Variants in CSMD2 observed in about 807,000 individuals in gnomAD.
The protein encoded by CSMD2 is CUB and Sushi multiple domains 2.
In CSMD2, 130 loss-of-function variants were observed where a neutral mutation model predicts 398.5. That is an observed-to-expected ratio of 0.33 (90% CI 0.28 to 0.38). CSMD2 has a LOEUF of 0.38. Among genes scored for constraint, CSMD2 ranks in the 10% least tolerant of loss-of-function variants. The pLI is 1.00. For synonymous variants in CSMD2, 1,828 were observed against 1,908.5 expected (o/e 0.96, Z 1.10); for missense variants, 3,829 against 4,764.9 (o/e 0.80, Z 5.78).
intron 32 of CSMD2, among the ~76,000 whole-genome samples, chr1:33,627,685 T>C (rs1642213635): frequency 6.6e-6 from 1 of 152,230 alleles, no homozygotes; most frequent in African/African-American, 2.4e-5. Flanking sequence ...AGGCTGAGCC[T>C]GGCTAGGAGT....
chr1:33,825,656 A>C (rs1458792976), intron 7 of CSMD2, 41 bp downstream of exon 7: 3 of 1,589,474 alleles, frequency 1.9e-6, no homozygotes, highest in Non-Finnish European at 2.6e-6. Context: ...TGTGACCTCA[A>C]GCAAGAGGCC....
At chr1:33,886,351 A>G (rs16836069) in intron 5 of CSMD2, among the ~76,000 whole-genome samples, 11,317 of 152,272 alleles carry the variant, frequency 0.074, 560 homozygotes, top group Middle Eastern at 0.13. Flanking sequence ...GAGAGCACCT[A>G]AACAAAGTCG....
chr1:34,029,008 G>A (rs1265311336), intron 3 of CSMD2, among the ~76,000 whole-genome samples: 2 of 152,212 alleles, frequency 1.3e-5, no homozygotes, highest in African/African-American at 2.4e-5. Context: ...GGATGAGGGT[G>A]GAGGAGGATC....
In CSMD2 at chr1:33,648,279, A is replaced by G. The variant is rs368156831; in HGVS notation, c.4587-1444T>C. Among the ~76,000 whole-genome samples, 76 of 151,348 alleles carry G rather than the reference A, an allele frequency of 5.0e-4. No homozygotes were observed. In the East Asian group the frequency reaches 7.3e-3, roughly 15 times the overall value. On this transcript the variant is annotated intron_variant, in intron 28 of 70. Coordinates refer to ENST00000373381, the MANE Select transcript of CSMD2 (RefSeq NM_001281956.2). ...CAGGAAGCTGAGGCAGGAGAATGGC[A>G]TGAACCCGGGAGGTGGAGTTTGCAG...
In CSMD2 at chr1:34,164,961, G is replaced by T; in HGVS notation, c.137C>A (p.Pro46His). ...WGRPPPPTPP[P>H]LLLLLGCGLL... ...CCCACAGCCCAGCAACAGCAGCAGA[G>T]GCGGCGGCGTTGGCGGCGGCGGGCG... Residue 46 changes from proline to histidine, a missense_variant, in exon 1 of 71, where the codon CCT becomes CAT. Physicochemically the swap from Pro to His is moderately conservative, Grantham distance 77. This residue lies in a region of CSMD2 where 184 missense variants were observed against 217.7 expected (regional missense o/e 0.85). Transcript: ENST00000373381. The surrounding 1 kb of genome is among the most constrained non-coding windows in gnomAD (Gnocchi z 6.2). 1 of 1,220,086 alleles carries T rather than the reference G, an allele frequency of 8.2e-7. No homozygotes were observed. The highest frequency in any genetic ancestry group is 1.0e-6 in the Non-Finnish European group (1 of 980,578). The allele number at this position is 1,220,086 out of a possible 1,614,324, so 75.6% of individuals were successfully genotyped here. A position where few individuals can be genotyped will look rare whatever the true frequency, so the allele number is the denominator to read the frequency against.
At chr1:34,159,727 G>C (rs1260688310) in intron 1 of CSMD2, among the ~76,000 whole-genome samples, 2 of 152,214 alleles carry the variant, frequency 1.3e-5, no homozygotes, top group Non-Finnish European at 2.9e-5. Context: ...GCTTAAGACA[G>C]TGCCGGTGAG....
chr1:33,672,560 G>A (rs58260216), intron 25 of CSMD2, among the ~76,000 whole-genome samples: 18,558 of 152,192 alleles, frequency 0.12, 1,214 homozygotes, highest in South Asian at 0.21. Context: ...ATCAAAAGGC[G>A]GCAGTAACCT....
At chr1:33,780,913 C>T (rs1188106000) in intron 12 of CSMD2, among the ~76,000 whole-genome samples, 1 of 152,206 alleles carries the variant, frequency 6.6e-6, no homozygotes, top group East Asian at 1.9e-4. Context: ...TAGAGGTGTA[C>T]TGAAAATAAC....
At chr1:34,011,676 G>A (rs1647350175) in intron 3 of CSMD2, among the ~76,000 whole-genome samples, 1 of 152,166 alleles carries the variant, frequency 6.6e-6, no homozygotes, top group African/African-American at 2.4e-5. Context: ...ATCACATCAT[G>A]AAGAATGGGG....
chr1:33,613,113 A>G (rs939096530), intron 40 of CSMD2, among the ~76,000 whole-genome samples: 2 of 152,210 alleles, frequency 1.3e-5, no homozygotes, highest in African/African-American at 4.8e-5. Context: ...CGCTGAGACC[A>G]GGTACCAAGT....
At chr1:34,105,045 G>A (rs893347949) in intron 1 of CSMD2, among the ~76,000 whole-genome samples, 3 of 152,124 alleles carry the variant, frequency 2.0e-5, no homozygotes, top group Admixed American at 6.5e-5. Context: ...GTTACTCTTC[G>A]CTCTCCGCTA....
intron 4 of CSMD2, among the ~76,000 whole-genome samples, chr1:33,925,767 G>A (rs973153791): frequency 6.6e-6 from 1 of 152,072 alleles, no homozygotes; most frequent in Non-Finnish European, 1.5e-5. Context: ...TGACTCACAA[G>A]GACCTTACAG....
At chr1:33,572,482 C>T (rs200703731) in intron 50 of CSMD2, 24 bp downstream of exon 50, 97 of 1,530,974 alleles carry the variant, frequency 6.3e-5, no homozygotes, top group Non-Finnish European at 3.3e-5. Flanking sequence ...TCCTTACACC[C>T]GCCTCCATTG....
chr1:33,960,679 C>T (rs1027556925), intron 3 of CSMD2, among the ~76,000 whole-genome samples: 1 of 152,318 alleles, frequency 6.6e-6, no homozygotes, highest in East Asian at 1.9e-4. Context: ...GAAACAGAGA[C>T]TCTCATTTGC....
intron 10 of CSMD2, chr1:33,804,907 G>A (rs1656045052): frequency 1.4e-6 from 1 of 717,224 alleles, no homozygotes; most frequent in Non-Finnish European, 2.6e-6. Context: ...GCCTGGATCA[G>A]GATAGGGTTC....
At chr1:34,041,716 G>T (rs60929845) in intron 2 of CSMD2, among the ~76,000 whole-genome samples, 3 of 152,220 alleles carry the variant, frequency 2.0e-5, no homozygotes, top group Non-Finnish European at 2.9e-5. Flanking sequence ...GGGTCCAACA[G>T]AGTTGGCAAG....
chr1:33,836,640 G>A (rs577188235), intron 6 of CSMD2, among the ~76,000 whole-genome samples: 9 of 152,276 alleles, frequency 5.9e-5, no homozygotes, highest in Admixed American at 1.3e-4. Context: ...GCGAGGCTCC[G>A]TGGGTGTAGG....
intron 9 of CSMD2, among the ~76,000 whole-genome samples, chr1:33,816,240 A>G (rs761978104): frequency 6.6e-6 from 1 of 152,256 alleles, no homozygotes; most frequent in African/African-American, 2.4e-5. Context: ...AATAATATAT[A>G]TAAGTTCCTG....
Position 33,516,421 on chromosome 1 carries a change from C to T in CSMD2, c.*203G>A, listed in dbSNP as rs1653769185. The T allele has an allele frequency of 6.6e-6, 1 of 152,224 alleles. No individual in the cohort carries two copies. Among genetic ancestry groups the T allele is most frequent in the South Asian group, 2.1e-4 (1 of 4,834 alleles). The allele number at this position is 152,224 out of a possible 1,614,324, so 9.4% of individuals were successfully genotyped here. On this transcript the variant is annotated 3_prime_UTR_variant, in exon 71 of 71. Transcript: ENST00000373381. ...CTCTTCCTTTTCTGCCTTTTCAGGA[C>T]ACGGCAGGAGTCCTCTCCAGGGTAA...
Sources: allele counts gnomAD v4.1 joint callset (sites outside exome capture counted in the v4.1 genomes callset), GRCh38; gene constraint gnomAD v4.1.1; regional missense constraint gnomAD v4.1.1; non-coding constraint Gnocchi (gnomAD v3.1); transcripts MANE v1.5; gene names NCBI Gene and HGNC (gene_info 2026-07-23, HGNC 2026-07-21).